The following COL4A3 variants were observed in gnomAD, a reference collection of about 807,000 sequenced individuals.
COL4A3 encodes collagen alpha-3(IV) chain.
COL4A3 carries 135 observed loss-of-function variants against 217.4 expected under a neutral mutation model. The observed-to-expected ratio is 0.62, with a 90% CI of 0.54 to 0.72. The LOEUF (loss-of-function observed/expected upper bound fraction) is 0.72. COL4A3 is among the 30% of genes least tolerant of loss of function. The pLI is 0.00. For synonymous variants in COL4A3, 690 were observed against 736.3 expected, an observed-to-expected ratio of 0.94 and a Z score of 1.02; for missense variants, 1,868 against 2,119.9, an observed-to-expected ratio of 0.88 and a Z score of 2.33.
chr2:227,166,014 T>G (rs1673098362), intron 1 of COL4A3, among the ~76,000 whole-genome samples: 1 of 152,230 alleles, frequency 6.6e-6, no homozygotes, highest in South Asian at 2.1e-4. Flanking sequence ...TGTTGGCCTT[T>G]TAACATAAAT....
chr2:227,175,121 C>T (rs182343303), intron 1 of COL4A3, among the ~76,000 whole-genome samples: 1 of 151,572 alleles, frequency 6.6e-6, no homozygotes, highest in South Asian at 2.1e-4. Context: ...AGGACAGGGC[C>T]TCTCAGAAGT....
In COL4A3 at chr2:227,164,781, G is replaced by C; in HGVS notation, c.55G>C (p.Val19Leu). The change falls in exon 1 of 52, where the codon GTG (valine) becomes CTG (leucine). Residue 19 changes from valine to leucine, a missense_variant. Physicochemically the swap from Val to Leu is conservative, Grantham distance 32 (BLOSUM62 1). Coordinates refer to ENST00000396578, the MANE Select transcript of COL4A3 (RefSeq NM_000091.5). The surrounding 1 kb of genome is among the most constrained non-coding windows in gnomAD (Gnocchi z 4.8). ...GGTGCTCCTGCTGCCGCTCCTGCTG[G>C]TGCTCCTGGCGGCGGCGCCCGCAGC... ...PQVLLLPLLL[V>L]LLAAAPAASK... 1 of 1,521,694 alleles carries C rather than the reference G, an allele frequency of 6.6e-7. No homozygotes were observed. The highest frequency in any genetic ancestry group is 8.8e-7 in the Non-Finnish European group (1 of 1,141,670). The allele number at this position is 1,521,694 out of a possible 1,614,324, so 94.3% of individuals were successfully genotyped here.
intron 1 of COL4A3, among the ~76,000 whole-genome samples, chr2:227,231,759 G>A (rs1038632750): frequency 3.3e-5 from 5 of 152,054 alleles, no homozygotes; most frequent in South Asian, 2.1e-4. Context: ...CTCGAACTCC[G>A]GATCTCAAGT....
At chr2:227,249,230 ATTT>A (rs1247683938) in intron 9 of COL4A3, among the ~76,000 whole-genome samples, 1 of 14,690 alleles carries the variant, frequency 6.8e-5, no homozygotes, top group African/African-American at 2.7e-4. Context: ...ATATATATAT[ATTT>A]TTTTTTTTTT....
At chr2:227,283,725 T>C (rs2072131878) in intron 32 of COL4A3, 42 bp from the exon 33 acceptor site, 7 of 1,552,152 alleles carry the variant, frequency 4.5e-6, no homozygotes, top group Middle Eastern at 1.7e-4. Context: ...CTTTTCTCAC[T>C]CTGTACAACA....
intron 1 of COL4A3, among the ~76,000 whole-genome samples, chr2:227,180,683 G>T (rs140466159): frequency 6.6e-6 from 1 of 152,162 alleles, no homozygotes; most frequent in African/African-American, 2.4e-5. Context: ...TGAATCACAA[G>T]ATGTGGCACA....
chr2:227,303,316 T>C lies in COL4A3; in HGVS notation c.3955+206T>C, dbSNP rs143460121. Among the ~76,000 whole-genome samples, 709 of 152,268 alleles carry C rather than the reference T, an allele frequency of 4.7e-3. 7 individuals carry two copies. Among genetic ancestry groups the C allele is most frequent in the African/African-American group, 0.017 (688 of 41,542 alleles). ...TCAGATCAATGGCTCTCGGTAACCTTCTTTTATTTGTGTAAAAGACTGTGA... is the reference window on the plus strand; with the variant it reads ...TCAGATCAATGGCTCTCGGTAACCTCCTTTTATTTGTGTAAAAGACTGTGA... On this transcript the variant is annotated intron_variant, in intron 44 of 51. Coordinates refer to ENST00000396578, the MANE Select transcript of COL4A3 (RefSeq NM_000091.5).
chr2:227,200,709 C>A (rs1236512527), intron 1 of COL4A3, among the ~76,000 whole-genome samples: 1 of 152,190 alleles, frequency 6.6e-6, no homozygotes, highest in South Asian at 2.1e-4. Context: ...ACTCCAAAAG[C>A]AAGCATCTTA....
chr2:227,212,249 ATCT>A (rs2067356165), intron 1 of COL4A3, among the ~76,000 whole-genome samples: 1 of 151,982 alleles, frequency 6.6e-6, no homozygotes, highest in Non-Finnish European at 1.5e-5. Flanking sequence ...GACCTATGAC[ATCT>A]TCTGAGAAAC....
intron 13 of COL4A3, 21 bp from the exon 14 acceptor site, chr2:227,254,091 G>A (rs754191629): frequency 6.9e-5 from 111 of 1,609,610 alleles, no homozygotes; most frequent in Non-Finnish European, 9.0e-5. Flanking sequence ...TTGTAACAAT[G>A]TTGAACTGTT....
intron 1 of COL4A3, among the ~76,000 whole-genome samples, chr2:227,186,463 G>A (rs1358949898): frequency 6.6e-6 from 1 of 152,226 alleles, no homozygotes; most frequent in Non-Finnish European, 1.5e-5. Flanking sequence ...GGCCAGGCTA[G>A]TGTGGGGAAC....
At position 227,301,642 on chromosome 2, in the gene COL4A3, A is replaced by C. The variant is rs537608049; in HGVS notation, c.3883-1396A>C. On this transcript the variant is annotated intron_variant, in intron 43 of 51. Coordinates refer to ENST00000396578, the MANE Select transcript of COL4A3 (RefSeq NM_000091.5). ...TGGTTTGGAAACATGATCTTACTTA[A>C]CTCCTCTGGTGATTTCGTGGTCATT... Among the ~76,000 whole-genome samples the C allele has an allele frequency of 2.4e-4, 37 of 151,916 alleles. 1 individual carries two copies. The highest frequency in any genetic ancestry group is 8.5e-4 in the African/African-American group (35 of 41,418).
chr2:227,281,691 T>C (rs1331177447), intron 31 of COL4A3: 1 of 152,884 alleles, frequency 6.5e-6, no homozygotes, highest in Non-Finnish European at 1.5e-5. Context: ...TCCAGAGGCA[T>C]CCAGTGGCTT....
At chr2:227,275,665 G>A (rs772045111) in intron 26 of COL4A3, among the ~76,000 whole-genome samples, 8 of 151,970 alleles carry the variant, frequency 5.3e-5, no homozygotes, top group African/African-American at 1.2e-4. Flanking sequence ...ATATTATCTC[G>A]TGTCCTTATC....
chr2:227,244,381 G>C lies in COL4A3; in HGVS notation c.279+17G>C. ...GGTGTAAGGGTTAGTAGTCCAACCA[G>C]TCCACCCTGATCGTTAAAAGATCAG... On this transcript the variant is annotated intron_variant, in intron 4 of 51. Transcript: ENST00000396578. 6.2e-7 allele frequency: 1 copy of C among 1,612,250 alleles called. No homozygotes were observed. The highest frequency in any genetic ancestry group is 8.5e-7 in the Non-Finnish European group (1 of 1,178,432).
chr2:227,291,577 A>C (rs970488219), intron 37 of COL4A3, among the ~76,000 whole-genome samples: 6 of 22,408 alleles, frequency 2.7e-4, no homozygotes, highest in African/African-American at 8.9e-4. Flanking sequence ...AAAAAAAAAA[A>C]AACAAAAAAA....
intron 1 of COL4A3, among the ~76,000 whole-genome samples, chr2:227,219,951 C>T (rs562848348): frequency 3.3e-5 from 5 of 152,196 alleles, no homozygotes; most frequent in African/African-American, 1.2e-4. Context: ...AATACCATCT[C>T]GACCTGTAGG....
At chr2:227,242,574 C>A (rs187709741) in intron 3 of COL4A3, among the ~76,000 whole-genome samples, 7 of 152,254 alleles carry the variant, frequency 4.6e-5, no homozygotes, top group African/African-American at 1.7e-4. Context: ...TTCTGATGAC[C>A]AGCCCCCATC....
At chr2:227,246,807 C>A in intron 7 of COL4A3, 69 bp downstream of exon 7, 3 of 1,284,844 alleles carry the variant, frequency 2.3e-6, no homozygotes, top group Non-Finnish European at 3.4e-6. Flanking sequence ...CTCCATATGG[C>A]CATATACACA....
Sources: allele counts gnomAD v4.1 joint callset (sites outside exome capture counted in the v4.1 genomes callset), GRCh38; gene constraint gnomAD v4.1.1; non-coding constraint Gnocchi (gnomAD v3.1); transcripts MANE v1.5; gene names NCBI Gene and HGNC (gene_info 2026-07-23, HGNC 2026-07-21).